NDRG4: variants seen among roughly 807,000 people sequenced by gnomAD.
NDRG4 encodes protein NDRG4.
In NDRG4, 38 loss-of-function variants were observed where a neutral mutation model predicts 55.8. The observed-to-expected ratio is 0.68, with a 90% CI of 0.53 to 0.89. NDRG4 has a LOEUF of 0.89. Among genes scored for constraint, NDRG4 ranks in the 40% least tolerant of loss-of-function variants. The probability of loss-of-function intolerance (pLI) is 0.00; values close to 1 mark genes in which losing one functional copy is unlikely to be tolerated. For synonymous variants in NDRG4, 190 were observed against 182.7 expected, an observed-to-expected ratio of 1.04 and a Z score of -0.32; for missense variants, 455 against 468.6, an observed-to-expected ratio of 0.97 and a Z score of 0.27.
In NDRG4 at chr16:58,471,614, C is replaced by G. The variant is rs376342741; in HGVS notation, c.-24+7817C>G. ...GGAAAGCTGTCATCATACACCACCC[C>G]CTCCCTGCCTCTTAATCCTCAGTGC... is the stretch of plus-strand genomic sequence containing the variant. On this transcript the variant is annotated intron_variant, in intron 1 of 15. Transcript: ENST00000258187. Among the ~76,000 whole-genome samples the G allele has an allele frequency of 4.9e-4, 74 of 152,312 alleles. No individual in the cohort carries two copies. In the South Asian group the frequency reaches 0.014, roughly 29 times the overall value.
At position 58,512,136 on chromosome 16, in the gene NDRG4, T is replaced by C. The variant is rs993099084; in HGVS notation, c.*560T>C. The C allele has an allele frequency of 2.0e-5, 9 of 456,116 alleles. No homozygotes were observed. Among genetic ancestry groups the C allele is most frequent in the Admixed American group, 9.4e-5 (4 of 42,506 alleles). 28.3% of individuals were successfully genotyped at this position (456,116 alleles called of 1,614,324 possible). A position where few individuals can be genotyped will look rare whatever the true frequency, so the allele number is the denominator to read the frequency against. On this transcript the variant is annotated 3_prime_UTR_variant, in exon 15 of 15. Coordinates refer to ENST00000570248, the MANE Select transcript of NDRG4 (RefSeq NM_001242835.2). ...GGTGCTCTCTGGGCCCAGCTGGTGC[T>C]GTAGGGCCACGCAGGCAGGGGCGTC... is the stretch of plus-strand genomic sequence containing the variant.
intron 1 of NDRG4, among the ~76,000 whole-genome samples, chr16:58,476,048 C>T (rs1242107680): frequency 4.6e-5 from 7 of 152,272 alleles, no homozygotes; most frequent in African/African-American, 1.2e-4. Context: ...CCACCTGCCT[C>T]GGCCTCCCCA....
intron 5 of NDRG4, 102 bp downstream of exon 5, chr16:58,504,751 C>T: frequency 8.1e-7 from 1 of 1,239,484 alleles, no homozygotes; most frequent in East Asian, 2.4e-5. Context: ...GGAAGTGTCC[C>T]TGCTCTCGCT....
At chr16:58,474,867 G>A (rs1425646860) in intron 1 of NDRG4, among the ~76,000 whole-genome samples, 1 of 152,262 alleles carries the variant, frequency 6.6e-6, no homozygotes, top group Non-Finnish European at 1.5e-5. Context: ...GGACCTTGGT[G>A]TCAGGTGGGG....
chr16:58,481,458 G>GT (rs962837420), intron 1 of NDRG4, among the ~76,000 whole-genome samples: 2 of 151,978 alleles, frequency 1.3e-5, no homozygotes, highest in African/African-American at 4.8e-5. Flanking sequence ...GGGTGCGTGC[G>GT]TGTGTGTGTG....
intron 5 of NDRG4, chr16:58,506,185 G>T: frequency 6.3e-6 from 4 of 634,566 alleles, no homozygotes; most frequent in Admixed American, 4.5e-5. Context: ...TGGAAACAAT[G>T]ATAGAGATTC....
rs530696911 is a variant in NDRG4 at position 58,485,659 on chromosome 16, G to A, written c.-23-2097G>A. On this transcript the variant is annotated intron_variant, in intron 1 of 15. Transcript: ENST00000258187. Reference sequence around the variant, plus strand: ...CATCTGAAAGGATGGAAATGGGAGCGGGAGAGCCTTGAGGATGCCTTTCTA... The same window carrying A: ...CATCTGAAAGGATGGAAATGGGAGCAGGAGAGCCTTGAGGATGCCTTTCTA... Among the ~76,000 whole-genome samples, 9 of 152,222 alleles carry A rather than the reference G, an allele frequency of 5.9e-5. No homozygotes were observed. In the South Asian group the frequency reaches 8.3e-4, roughly 14 times the overall value.
At position 58,503,852 on chromosome 16, in the gene NDRG4, C is replaced by T. The variant is rs142554562; in HGVS notation, c.76C>T (p.Pro26Ser). 2.9e-5 allele frequency: 47 copies of T among 1,613,884 alleles called. No homozygotes were observed. The highest frequency in any genetic ancestry group is 1.6e-4 in the Middle Eastern group (1 of 6,084). The change falls in exon 2 of 15, where the codon CCC becomes TCC. Residue 26 changes from proline (P) to serine (S), a missense_variant. Pro to Ser is a moderately conservative substitution (Grantham distance 74). Transcript: ENST00000570248. ...GLLHVVIRGS[P>S]KGNRPAILTY... ...TCTGCATGTAGTGATCCGGGGCTCC[C>T]CCAAGGGGAACCGCCCAGCCATCCT...
At chr16:58,471,644 G>C (rs1261597126) in intron 1 of NDRG4, among the ~76,000 whole-genome samples, 4 of 152,136 alleles carry the variant, frequency 2.6e-5, no homozygotes, top group Non-Finnish European at 5.9e-5. Flanking sequence ...CAGTGCTTTA[G>C]CTTCCAAACC....
At chr16:58,480,733 G>A (rs746190690) in intron 1 of NDRG4, among the ~76,000 whole-genome samples, 9 of 152,190 alleles carry the variant, frequency 5.9e-5, no homozygotes, top group South Asian at 2.1e-4. Context: ...AGATCAGGTC[G>A]CTGTCCTCTG....
intron 1 of NDRG4, 88 bp from the exon 2 acceptor site, chr16:58,503,710 A>G: frequency 5.7e-6 from 9 of 1,580,810 alleles, no homozygotes; most frequent in Non-Finnish European, 7.7e-6. Flanking sequence ...CCACAGGCCT[A>G]ACAGGTACCA....
rs926262244 is a variant in NDRG4, at chr16:58,480,069, C to G, written c.-23-7687C>G. Among the ~76,000 whole-genome samples the G allele has an allele frequency of 5.3e-5, 8 of 152,186 alleles. No individual in the cohort carries two copies. In the East Asian group the frequency reaches 1.3e-3, roughly 26 times the overall value. Reference sequence around the variant, plus strand: ...AGAGGAAGGAGGGAGCCCAGACCAACCTGTAGGAGGTGGGGAATGTGCAGA... The same window carrying G: ...AGAGGAAGGAGGGAGCCCAGACCAAGCTGTAGGAGGTGGGGAATGTGCAGA... On this transcript the variant is annotated intron_variant, in intron 1 of 15. Coordinates refer to the NDRG4 transcript ENST00000258187.
intron 1 of NDRG4, among the ~76,000 whole-genome samples, chr16:58,502,356 G>C (rs2151787521): frequency 6.6e-6 from 1 of 152,230 alleles, no homozygotes; most frequent in Non-Finnish European, 1.5e-5. Context: ...CCCCTGGGTG[G>C]TGCAATCAGC....
At chr16:58,477,179 T>C (rs1362802517) in intron 1 of NDRG4, among the ~76,000 whole-genome samples, 1 of 151,566 alleles carries the variant, frequency 6.6e-6, no homozygotes, top group African/African-American at 2.4e-5. Context: ...TATATATATG[T>C]ATGTGTGTGT....
At chr16:58,480,980 G>A (rs564148389) in intron 1 of NDRG4, among the ~76,000 whole-genome samples, 1 of 150,674 alleles carries the variant, frequency 6.6e-6, no homozygotes, top group African/African-American at 2.5e-5. Flanking sequence ...CTGCATTCCA[G>A]CCTGGGCGAC....
At chr16:58,483,855 A>G (rs2034756856) in intron 1 of NDRG4, among the ~76,000 whole-genome samples, 1 of 152,222 alleles carries the variant, frequency 6.6e-6, no homozygotes, top group Non-Finnish European at 1.5e-5. Flanking sequence ...GCTTGAGCCC[A>G]GGAGTTTGCG....
In NDRG4 at chr16:58,464,303, T is replaced by TGCTCCTGCCGCTTCGCTCCGCGC; in HGVS notation, c.-24+507_-24+529dup. 1.3e-6 allele frequency: 1 copy of TGCTCCTGCCGCTTCGCTCCGCGC among 745,978 alleles called. No homozygotes were observed. The highest frequency in any genetic ancestry group is 3.4e-5 in the South Asian group (1 of 29,228). The allele number at this position is 745,978 out of a possible 1,614,324, so 46.2% of individuals were successfully genotyped here. ...CGGGAGAGCGCTCCTGGCTGTGAGCTGCTCCTGCCGCTTCGCTCCGCGCTC... is the reference window on the plus strand; with the variant it reads ...CGGGAGAGCGCTCCTGGCTGTGAGCTGCTCCTGCCGCTTCGCTCCGCGCGCTCCTGCCGCTTCGCTCCGCGCTC... On this transcript the variant is annotated intron_variant, in intron 1 of 15. Coordinates refer to the NDRG4 transcript ENST00000258187. The surrounding 1 kb of genome is among the most constrained non-coding windows in gnomAD (Gnocchi z 4.8).
intron 1 of NDRG4, among the ~76,000 whole-genome samples, chr16:58,485,723 C>T (rs929208272): frequency 7.9e-5 from 12 of 152,096 alleles, no homozygotes; most frequent in African/African-American, 1.9e-4. Context: ...CTGGTTTCCT[C>T]GGAAACCACT....
chr16:58,511,598 C>A lies in NDRG4; in HGVS notation c.*22C>A, dbSNP rs768974055. ...TTGAAGCCCTTGATCCCGCTGACGA[C>A]GCCCACGTCGAGGCCCCACCGCCAT... On this transcript the variant is annotated 3_prime_UTR_variant, in exon 15 of 15. Transcript: ENST00000570248. The A allele has an allele frequency of 6.2e-7, 1 of 1,612,968 alleles. No individual in the cohort carries two copies. The highest frequency in any genetic ancestry group is 8.5e-7 in the Non-Finnish European group (1 of 1,179,914).
Sources: allele counts gnomAD v4.1 joint callset (sites outside exome capture counted in the v4.1 genomes callset), GRCh38; gene constraint gnomAD v4.1.1; non-coding constraint Gnocchi (gnomAD v3.1); transcripts MANE v1.5; gene names NCBI Gene and HGNC (gene_info 2026-07-23, HGNC 2026-07-21).